Variants in OPA3 observed in about 807,000 individuals in gnomAD.
OPA3 encodes outer mitochondrial membrane lipid metabolism regulator OPA3.
OPA3 carries 6 observed loss-of-function variants against 4.0 expected under a neutral mutation model. The observed-to-expected ratio is 1.51, with a 90% CI of 0.83 to 2.99. OPA3 has a LOEUF of 2.99. OPA3 is among the 30% of genes most tolerant of loss of function. OPA3 has a pLI of 0.00. For synonymous variants in OPA3, 105 were observed against 117.1 expected (o/e 0.90, Z 0.67); for missense variants, 235 against 256.2 (o/e 0.92, Z 0.56).
At chr19:45,555,022 C>G (rs1969399740) in intron 1 of OPA3, among the ~76,000 whole-genome samples, 1 of 152,162 alleles carries the variant, frequency 6.6e-6, no homozygotes, top group Non-Finnish European at 1.5e-5. Flanking sequence ...GATCATCTGA[C>G]CTCGTGATCC....
chr19:45,574,584 T>G (rs575566611), intron 1 of OPA3, among the ~76,000 whole-genome samples: 3 of 152,098 alleles, frequency 2.0e-5, no homozygotes, highest in Non-Finnish European at 4.4e-5. Flanking sequence ...TGGAGGCTCA[T>G]AGAGGTCAAG....
At chr19:45,577,171 C>T (rs1969781527) in intron 1 of OPA3, among the ~76,000 whole-genome samples, 1 of 152,218 alleles carries the variant, frequency 6.6e-6, no homozygotes, top group Admixed American at 6.5e-5. Flanking sequence ...CTTTGCCTCC[C>T]CAACAGGGTG....
rs1371810069 is a variant in OPA3, at chr19:45,553,691, C to T, written c.363G>A (p.Ala121=). ...KEEEQRAAWN[A]LRDEVGHLAL... is the part of the protein sequence containing the mutation. ...CCAGGTGGCCCACCTCGTCCCGCAG[C>T]GCGTTCCAGGCAGCACGCTGCTCCT... is the stretch of plus-strand genomic sequence containing the variant. Residue 121 remains alanine (A), a synonymous_variant, in exon 2 of 2, where the codon GCG becomes GCA. Coordinates refer to ENST00000263275, the MANE Select transcript of OPA3 (RefSeq NM_025136.4). 1.2e-6 allele frequency: 2 copies of T among 1,606,454 alleles called. No homozygotes were observed. Among genetic ancestry groups the T allele is most frequent in the African/African-American group, 1.3e-5 (1 of 75,004 alleles).
At chr19:45,570,023 G>A (rs1050751336) in intron 1 of OPA3, among the ~76,000 whole-genome samples, 1 of 152,184 alleles carries the variant, frequency 6.6e-6, no homozygotes, top group African/African-American at 2.4e-5. Flanking sequence ...ATACACCGGG[G>A]TCAATGACCG....
At chr19:45,554,543 T>C (rs1969392419) in intron 1 of OPA3, among the ~76,000 whole-genome samples, 2 of 152,186 alleles carry the variant, frequency 1.3e-5, no homozygotes, top group South Asian at 2.1e-4. Flanking sequence ...GTGGTGCTGC[T>C]GGAACAAAAA....
intron 1 of OPA3, among the ~76,000 whole-genome samples, chr19:45,536,735 C>G (rs1969122916): frequency 6.6e-6 from 1 of 152,134 alleles, no homozygotes; most frequent in Non-Finnish European, 1.5e-5. Flanking sequence ...AATATTCACA[C>G]ATGCACAGTC....
At chr19:45,584,499 T>C in intron 1 of OPA3, 124 bp downstream of exon 1, 1 of 1,530,214 alleles carries the variant, frequency 6.5e-7, no homozygotes, top group Non-Finnish European at 8.8e-7. Flanking sequence ...CCCCCCACTA[T>C]TGGCCACTGG....
At chr19:45,555,008 T>G (rs193296080) in intron 1 of OPA3, among the ~76,000 whole-genome samples, 1 of 152,260 alleles carries the variant, frequency 6.6e-6, no homozygotes, top group East Asian at 1.9e-4. Context: ...GCCAGGCTGG[T>G]CTCGATCATC....
chr19:45,571,953 G>A (rs1366646056), intron 1 of OPA3, among the ~76,000 whole-genome samples: 2 of 151,750 alleles, frequency 1.3e-5, no homozygotes, highest in African/African-American at 4.8e-5. Context: ...TTTTACTTGT[G>A]TTTTAATATC....
chr19:45,572,067 C>T (rs1304945875), intron 1 of OPA3, among the ~76,000 whole-genome samples: 1 of 149,596 alleles, frequency 6.7e-6, no homozygotes, highest in African/African-American at 2.5e-5. Flanking sequence ...TGCTGGCTCT[C>T]GCTCATGGTG....
Position 45,552,167 on chromosome 19 carries a change from A to C in OPA3, c.*1347T>G. ...TTGGAATAGTCCACTTCGGGTCTCAAGGGAAGGTACAATGATTCCAGGGAT... is the reference window on the plus strand; with the variant it reads ...TTGGAATAGTCCACTTCGGGTCTCACGGGAAGGTACAATGATTCCAGGGAT... On this transcript the variant is annotated 3_prime_UTR_variant, in exon 2 of 2. Coordinates refer to ENST00000263275, the MANE Select transcript of OPA3 (RefSeq NM_025136.4). The C allele has an allele frequency of 2.0e-6, 2 of 985,380 alleles. No homozygotes were observed. The highest frequency in any genetic ancestry group is 9.4e-5 in the South Asian group (2 of 21,286). The allele number at this position is 985,380 out of a possible 1,614,324, so 61.0% of individuals were successfully genotyped here. A position where few individuals can be genotyped will look rare whatever the true frequency, so the allele number is the denominator to read the frequency against.
chr19:45,535,489 CT>C (rs1217443874), intron 1 of OPA3, among the ~76,000 whole-genome samples: 2 of 149,856 alleles, frequency 1.3e-5, no homozygotes, highest in Middle Eastern at 3.2e-3. Flanking sequence ...TCCTGAGTAG[CT>C]GGGACTGCAG....
chr19:45,579,845 G>A (rs983392710), intron 1 of OPA3, among the ~76,000 whole-genome samples: 14 of 152,022 alleles, frequency 9.2e-5, no homozygotes, highest in Non-Finnish European at 2.1e-4. Flanking sequence ...CAAAGTACAA[G>A]CCCAGTTAAT....
At chr19:45,533,406 G>A (rs555269462) in intron 1 of OPA3, among the ~76,000 whole-genome samples, 3 of 151,996 alleles carry the variant, frequency 2.0e-5, no homozygotes, top group Non-Finnish European at 2.9e-5. Flanking sequence ...AAGTTAGCCA[G>A]AATGGTCTCG....
chr19:45,573,421 G>A (rs891779096), intron 1 of OPA3, among the ~76,000 whole-genome samples: 3 of 151,982 alleles, frequency 2.0e-5, no homozygotes, highest in East Asian at 1.9e-4. Context: ...ACTGCACTCC[G>A]GCCTGGGCAA....
chr19:45,545,164 C>CAAAA (rs779193252), downstream of OPA3, among the ~76,000 whole-genome samples: 208 of 40,686 alleles, frequency 5.1e-3, 6 homozygotes, highest in African/African-American at 9.8e-3. Context: ...GACACCGTCT[C>CAAAA]AAAAAAAAAA....
chr19:45,564,568 T>C (rs1969554820), intron 1 of OPA3, among the ~76,000 whole-genome samples: 1 of 152,154 alleles, frequency 6.6e-6, no homozygotes, highest in Admixed American at 6.6e-5. Context: ...CCAGTAACCC[T>C]GCCTGGTGTT....
intron 1 of OPA3, among the ~76,000 whole-genome samples, chr19:45,565,893 G>C (rs912036338): frequency 1.3e-5 from 2 of 152,148 alleles, no homozygotes; most frequent in African/African-American, 4.8e-5. Context: ...CAAGGCTGCA[G>C]TGAGCCATGA....
chr19:45,576,542 C>A (rs559216431), intron 1 of OPA3, among the ~76,000 whole-genome samples: 9 of 144,672 alleles, frequency 6.2e-5, no homozygotes, highest in Non-Finnish European at 6.0e-5. Context: ...CCATCCCCCC[C>A]CCCCCAAAAA....
Sources: allele counts gnomAD v4.1 joint callset (sites outside exome capture counted in the v4.1 genomes callset), GRCh38; gene constraint gnomAD v4.1.1; transcripts MANE v1.5; gene names NCBI Gene and HGNC (gene_info 2026-07-23, HGNC 2026-07-21).